Variants in LARGE1 observed in about 807,000 individuals in gnomAD.
LARGE1 encodes LARGE xylosyl- and glucuronyltransferase 1.
A neutral mutation model predicts 87.6 loss-of-function variants in LARGE1; 43 were observed. That is an observed-to-expected ratio of 0.49 (90% CI 0.38 to 0.63). LARGE1 has a LOEUF of 0.63. Among genes scored for constraint, LARGE1 ranks in the 30% least tolerant of loss-of-function variants. The pLI, the probability that LARGE1 is intolerant of heterozygous loss-of-function variation, is 0.00. For missense variants in LARGE1, 802 were observed against 1,000.2 expected (o/e 0.80, Z 2.67); for synonymous variants, 434 against 394.6 (o/e 1.10, Z -1.18).
intron 1 of LARGE1, among the ~76,000 whole-genome samples, chr22:33,868,170 C>T (rs1036855760): frequency 6.6e-6 from 1 of 152,146 alleles, no homozygotes; most frequent in Non-Finnish European, 1.5e-5. Context: ...GACAACAGGC[C>T]CTGTGCTCAT....
intron 6 of LARGE1, among the ~76,000 whole-genome samples, chr22:33,471,457 C>CAA (rs564220402): frequency 1.3e-5 from 2 of 152,280 alleles, no homozygotes; most frequent in Non-Finnish European, 2.9e-5. Flanking sequence ...CTTTTATGTG[C>CAA]AAAGCATCTG....
At chr22:33,423,069 T>C (rs920170895) in intron 7 of LARGE1, among the ~76,000 whole-genome samples, 6 of 151,622 alleles carry the variant, frequency 4.0e-5, no homozygotes, top group Non-Finnish European at 8.8e-5. Context: ...CAAGCGAAGA[T>C]GGTACTTCCT....
intron 1 of LARGE1, among the ~76,000 whole-genome samples, chr22:33,807,251 G>T (rs2086341610): frequency 1.3e-5 from 2 of 152,166 alleles, no homozygotes; most frequent in African/African-American, 4.8e-5. Context: ...CATGTTACCC[G>T]CCTCACAGGA....
intron 8 of LARGE1, 136 bp from the exon 9 acceptor site, chr22:33,382,180 G>C: frequency 9.2e-7 from 1 of 1,082,726 alleles, no homozygotes; most frequent in East Asian, 2.5e-5. Context: ...GGCTCGCACT[G>C]TGAGGCATCT....
chr22:33,665,927 C>T (rs960265477), intron 2 of LARGE1, among the ~76,000 whole-genome samples: 1 of 151,572 alleles, frequency 6.6e-6, no homozygotes, highest in African/African-American at 2.4e-5. Context: ...AACAGAGGCT[C>T]ACTGGGCTTA....
At chr22:33,798,736 A>G (rs1222587390) in intron 1 of LARGE1, among the ~76,000 whole-genome samples, 2 of 152,212 alleles carry the variant, frequency 1.3e-5, no homozygotes, top group Non-Finnish European at 2.9e-5. Flanking sequence ...ATATGCACAA[A>G]GAAAAACTGG....
At chr22:33,832,925 T>C (rs1201543643) in intron 1 of LARGE1, among the ~76,000 whole-genome samples, 1 of 152,232 alleles carries the variant, frequency 6.6e-6, no homozygotes, top group Non-Finnish European at 1.5e-5. Context: ...TGGCAGGCAC[T>C]ACGGGCCCAT....
chr22:33,770,190 T>C (rs2085022853), intron 1 of LARGE1, among the ~76,000 whole-genome samples: 1 of 152,254 alleles, frequency 6.6e-6, no homozygotes, highest in South Asian at 2.1e-4. Context: ...GTATAGCCAA[T>C]GCAAATGTAC....
At position 33,527,807 on chromosome 22, in the gene LARGE1, G is replaced by A. The variant is rs1387801605; in HGVS notation, c.787+37041C>T. 2.6e-5 allele frequency among the ~76,000 whole-genome samples: 4 copies of A among 152,162 alleles called. No homozygotes were observed. The East Asian group carries it at 7.7e-4, about 29-fold the overall frequency. On this transcript the variant is annotated intron_variant, in intron 6 of 14. Transcript: ENST00000397394. ...AAAGGGCCCAGGAGACAGTGGAGGA[G>A]GTGTAAACAGTGGTTCCCAAATGAC...
chr22:33,878,129 CTTTTTTTTTTTTTT>C lies in LARGE1; in HGVS notation c.-83+41852_-83+41865del, dbSNP rs1186663464. 1.3e-3 allele frequency among the ~76,000 whole-genome samples: 60 copies of C among 44,652 alleles called. 3 individuals carry two copies. The highest frequency in any genetic ancestry group is 1.8e-3 in the Non-Finnish European group (35 of 19,562). 29.3% of individuals were successfully genotyped at this position (44,652 alleles called of 152,430 possible). On this transcript the variant is annotated intron_variant, in intron 1 of 14. Transcript: ENST00000397394. ...TATGTATGTTGTTTATATTGTATTT[CTTTTTTTTTTTTTT>C]TTTTTTTTTTTAGAGACAGAGCCTT...
chr22:33,222,932 G>GC (rs749987993), intron 11 of LARGE1, among the ~76,000 whole-genome samples: 3 of 152,018 alleles, frequency 2.0e-5, no homozygotes, highest in Non-Finnish European at 4.4e-5. Flanking sequence ...AGAGTTGCAG[G>GC]CCCCCCCAGT....
intron 9 of LARGE1, among the ~76,000 whole-genome samples, chr22:33,378,643 T>A (rs1261726887): frequency 6.6e-6 from 1 of 152,228 alleles, no homozygotes; most frequent in Non-Finnish European, 1.5e-5. Flanking sequence ...AGACTTCTGA[T>A]GCCAGATATT....
chr22:33,225,207 G>A (rs1036731865), intron 11 of LARGE1, among the ~76,000 whole-genome samples: 1 of 152,198 alleles, frequency 6.6e-6, no homozygotes, highest in African/African-American at 2.4e-5. Context: ...AACCAGGAGA[G>A]GCAAGGTAGG....
intron 2 of LARGE1, among the ~76,000 whole-genome samples, chr22:33,652,895 T>A (rs1289029540): frequency 6.6e-6 from 1 of 152,152 alleles, no homozygotes; most frequent in Admixed American, 6.5e-5. Flanking sequence ...GCAACAAATA[T>A]GACTCAATGA....
intron 1 of LARGE1, among the ~76,000 whole-genome samples, chr22:33,813,331 G>C (rs2086556546): frequency 1.3e-5 from 2 of 151,602 alleles, no homozygotes. Flanking sequence ...CCCTAGTCCT[G>C]AGAAGCTTGT....
At chr22:33,848,228 GAA>G (rs1163130600) in intron 1 of LARGE1, among the ~76,000 whole-genome samples, 1 of 152,130 alleles carries the variant, frequency 6.6e-6, no homozygotes, top group Non-Finnish European at 1.5e-5. Context: ...TGCTTATTAG[GAA>G]AAGACTAGTT....
chr22:33,333,539 A>G (rs759815072), intron 10 of LARGE1, among the ~76,000 whole-genome samples: 17 of 152,042 alleles, frequency 1.1e-4, no homozygotes, highest in Non-Finnish European at 2.2e-4. Flanking sequence ...TGGTACATGA[A>G]CTTCCAGCAT....
At chr22:33,736,239 C>T (rs1440003665) in intron 2 of LARGE1, among the ~76,000 whole-genome samples, 1 of 152,180 alleles carries the variant, frequency 6.6e-6, no homozygotes, top group Non-Finnish European at 1.5e-5. Context: ...AGTGGCTGTT[C>T]CATTTTATAT....
intron 7 of LARGE1, among the ~76,000 whole-genome samples, chr22:33,415,261 T>A (rs904242339): frequency 1.5e-4 from 23 of 152,180 alleles, no homozygotes; most frequent in African/African-American, 5.3e-4. Flanking sequence ...ATGCAGTAGC[T>A]CTGTGATGTA....
Sources: gnomAD v4.1 joint callset for allele counts (sites outside exome capture counted in the v4.1 genomes callset) on GRCh38, gnomAD v4.1.1 for gene constraint, MANE v1.5 for transcripts, NCBI Gene and HGNC (gene_info 2026-07-23, HGNC 2026-07-21) for gene names.